Variants in PKM observed in about 807,000 individuals in gnomAD.
PKM encodes the protein pyruvate kinase M1/2, also known as pyruvate kinase PKM.
A neutral mutation model predicts 49.8 loss-of-function variants in PKM; 18 were observed. The ratio of observed to expected loss-of-function variants is 0.36; its 90% CI spans 0.25 to 0.54. The LOEUF (loss-of-function observed/expected upper bound fraction) is 0.54, where lower values mean the gene tolerates loss of function less well. Ranked by LOEUF, PKM falls within the 20% of genes least tolerant of loss-of-function variation. PKM has a pLI of 0.89. For synonymous variants in PKM, 239 were observed against 261.8 expected, an observed-to-expected ratio of 0.91 and a Z score of 0.84; for missense variants, 508 against 713.8, an observed-to-expected ratio of 0.71 and a Z score of 3.28.
At chr15:72,205,108 GT>G (rs577172609) in intron 8 of PKM, among the ~76,000 whole-genome samples, 18 of 145,938 alleles carry the variant, frequency 1.2e-4, no homozygotes, top group South Asian at 2.2e-4. Flanking sequence ...CGATTTTTTT[GT>G]TTTTTTTTTT....
At position 72,200,130 on chromosome 15, in the gene PKM, T is replaced by C. The variant is rs538886937; in HGVS notation, c.1489+344A>G. Among the ~76,000 whole-genome samples the C allele has an allele frequency of 9.3e-5, 14 of 151,234 alleles. No individual in the cohort carries two copies. The South Asian group carries it at 2.1e-3, about 23-fold the overall frequency. ...AGCACAGGAGCTGTGGCCAATTTTA[T>C]TTAAAAAAAAAACAAAAAACAAAAA... On this transcript the variant is annotated intron_variant, in intron 10 of 10. Transcript: ENST00000335181. This position sits in a 1 kb window ranked among gnomAD's most constrained non-coding sequence, Gnocchi z 4.6.
Position 72,206,831 on chromosome 15 carries a change from C to T in PKM, c.1037G>A (p.Ser346Asn), listed in dbSNP as rs780327255. ...KKPRPTRAEGSDVANAVLDGA... is the reference protein window; with the variant it reads ...KKPRPTRAEGNDVANAVLDGA... ...ATCCAGGACTGCATTGGCCACATCA[C>T]TGCCTTCAGCCCGAGTGGGGCGGGG... is the stretch of plus-strand genomic sequence containing the variant. The change falls in exon 8 of 11, where the codon AGT becomes AAT. Residue 346 changes from serine to asparagine, a missense_variant. Transcript: ENST00000335181. The T allele has an allele frequency of 5.0e-6, 8 of 1,614,114 alleles. No individual in the cohort carries two copies. The Admixed American group carries it at 1.3e-4, about 27-fold the overall frequency.
At chr15:72,203,267 G>T in intron 8 of PKM, 1 of 1,252,756 alleles carries the variant, frequency 8.0e-7, no homozygotes, top group Non-Finnish European at 1.2e-6. Flanking sequence ...TGGGAAGACA[G>T]AATGGGGAAT....
At chr15:72,207,519 A>G (rs536315926) in intron 6 of PKM, among the ~76,000 whole-genome samples, 1 of 152,338 alleles carries the variant, frequency 6.6e-6, no homozygotes, top group South Asian at 2.1e-4. Context: ...TTGACGGAAG[A>G]AAGGGGAGAG....
Position 72,200,410 on chromosome 15 carries a change from C to T in PKM, c.1489+64G>A. 1.3e-6 allele frequency: 2 copies of T among 1,529,396 alleles called. No individual in the cohort carries two copies. The highest frequency in any genetic ancestry group is 1.7e-5 in the Admixed American group (1 of 59,646). The allele number at this position is 1,529,396 out of a possible 1,614,324, so 94.7% of individuals were successfully genotyped here. A position where few individuals can be genotyped will look rare whatever the true frequency, so the allele number is the denominator to read the frequency against. On this transcript the variant is annotated intron_variant, in intron 10 of 10. Coordinates refer to ENST00000335181, the MANE Select transcript of PKM (RefSeq NM_002654.6). This position sits in a 1 kb window ranked among gnomAD's most constrained non-coding sequence, Gnocchi z 4.6. ...TATTCCCCAAACTTTCGGGGTCCCACAGAAGCCAATGCTCAAGCATCCCCA... is the reference window on the plus strand; with the variant it reads ...TATTCCCCAAACTTTCGGGGTCCCATAGAAGCCAATGCTCAAGCATCCCCA...
At position 72,217,431 on chromosome 15, in the gene PKM, T is replaced by C; in HGVS notation, c.224A>G (p.Asn75Ser). 1 of 1,611,176 alleles carries C rather than the reference T, an allele frequency of 6.2e-7. No individual in the cohort carries two copies. The highest frequency in any genetic ancestry group is 8.5e-7 in the Non-Finnish European group (1 of 1,177,414). Reference sequence around the variant, plus strand: ...CACCTCATGAGTTCCATGAGAGAAGTTCAGACGAGCCACATTCATTCCAGA... The same window carrying C: ...CACCTCATGAGTTCCATGAGAGAAGCTCAGACGAGCCACATTCATTCCAGA... ...IKSGMNVARL[N>S]FSHGTHEYHA... The change falls in exon 3 of 11, where the codon AAC becomes AGC. Residue 75 changes from asparagine (N) to serine (S), a missense_variant. Coordinates refer to ENST00000335181, the MANE Select transcript of PKM (RefSeq NM_002654.6).
At chr15:72,210,065 G>C (rs1016609996) in intron 4 of PKM, 22 of 632,658 alleles carry the variant, frequency 3.5e-5, no homozygotes, top group South Asian at 5.6e-5. Flanking sequence ...GCTACTTAAT[G>C]ATGGGGAAAA....
chr15:72,228,468 T>G, intron 1 of PKM: 1 of 380,764 alleles, frequency 2.6e-6, no homozygotes, highest in Non-Finnish European at 5.2e-6. Context: ...AGCTCCGTAG[T>G]TGAGGCATTT....
At chr15:72,221,449 C>T (rs1452486437) in intron 1 of PKM, among the ~76,000 whole-genome samples, 1 of 152,046 alleles carries the variant, frequency 6.6e-6, no homozygotes, top group African/African-American at 2.4e-5. Flanking sequence ...TATACAAGAA[C>T]CTGGTCCCTC....
At position 72,202,333 on chromosome 15, in the gene PKM, G is replaced by C. The variant is rs2081965066; in HGVS notation, c.1307+121C>G. On this transcript the variant is annotated intron_variant, in intron 9 of 10. Coordinates refer to ENST00000335181, the MANE Select transcript of PKM (RefSeq NM_002654.6). The surrounding 1 kb of genome is among the most constrained non-coding windows in gnomAD (Gnocchi z 4.5). ...CCTTCCCTGCAGGCCCAAGGTGGCA[G>C]GCAGAGGGGTCTTACCTTGGCTCAG... 9.9e-7 allele frequency: 1 copy of C among 1,013,080 alleles called. No homozygotes were observed. Among genetic ancestry groups the C allele is most frequent in the East Asian group, 2.6e-5 (1 of 38,474 alleles). The allele number at this position is 1,013,080 out of a possible 1,614,324, so 62.8% of individuals were successfully genotyped here.
chr15:72,226,399 G>A (rs990727218), intron 1 of PKM, among the ~76,000 whole-genome samples: 3 of 152,208 alleles, frequency 2.0e-5, no homozygotes, highest in East Asian at 1.9e-4. Context: ...GCGTGGTTGC[G>A]GTTGCCTGTA....
chr15:72,226,557 T>A (rs564093128), intron 1 of PKM, among the ~76,000 whole-genome samples: 11 of 152,136 alleles, frequency 7.2e-5, no homozygotes, highest in South Asian at 2.1e-4. Flanking sequence ...TAAAATAAAA[T>A]AAAAAATGAA....
intron 8 of PKM, among the ~76,000 whole-genome samples, chr15:72,205,269 T>C (rs2082043632): frequency 6.6e-6 from 1 of 152,134 alleles, no homozygotes; most frequent in Non-Finnish European, 1.5e-5. Flanking sequence ...ACTACAGAAG[T>C]GCATCACCAT....
rs951920604 is a variant in PKM at position 72,200,018 on chromosome 15, G to A, written c.1490-262C>T. 1.4e-4 allele frequency among the ~76,000 whole-genome samples: 21 copies of A among 152,188 alleles called. No homozygotes were observed. The highest frequency in any genetic ancestry group is 4.8e-4 in the African/African-American group (20 of 41,438). On this transcript the variant is annotated intron_variant, in intron 10 of 10. Transcript: ENST00000335181. The surrounding 1 kb of genome is among the most constrained non-coding windows in gnomAD (Gnocchi z 4.6). Reference sequence around the variant, plus strand: ...GTGCAAAGCCTTGCCCAGGGTCAGAGCTAGCTGCTTCCTGTCATCTGATGA... The same window carrying A: ...GTGCAAAGCCTTGCCCAGGGTCAGAACTAGCTGCTTCCTGTCATCTGATGA...
intron 5 of PKM, 78 bp downstream of exon 5, chr15:72,209,595 T>C: frequency 7.7e-7 from 1 of 1,306,234 alleles, no homozygotes; most frequent in South Asian, 1.2e-5. Flanking sequence ...GCAACCAACC[T>C]TCCCATCTTC....
intron 1 of PKM, among the ~76,000 whole-genome samples, chr15:72,229,894 A>C (rs1014806782): frequency 1.3e-5 from 2 of 151,664 alleles, no homozygotes; most frequent in African/African-American, 4.9e-5. Context: ...CATTTGTTAA[A>C]AAATGTGCCG....
intron 1 of PKM, among the ~76,000 whole-genome samples, chr15:72,221,014 G>C (rs2082507238): frequency 6.6e-6 from 1 of 152,226 alleles, no homozygotes. Flanking sequence ...CTACAATCTA[G>C]GGACTGTATT....
rs146939570 is a variant in PKM at position 72,220,735 on chromosome 15, G to T, written c.-13-1625C>A. ...GGAAGCATTCCAGTGTTTGTTAAATGACCTTTCAGTCTCTCTGAATGCCTC... is the reference window on the plus strand; with the variant it reads ...GGAAGCATTCCAGTGTTTGTTAAATTACCTTTCAGTCTCTCTGAATGCCTC... On this transcript the variant is annotated intron_variant, in intron 1 of 10. Transcript: ENST00000335181. Among the ~76,000 whole-genome samples, 534 of 152,310 alleles carry T rather than the reference G, an allele frequency of 3.5e-3. 3 individuals carry two copies. The highest frequency in any genetic ancestry group is 0.012 in the African/African-American group (518 of 41,560).
intron 4 of PKM, 124 bp from the exon 5 acceptor site, chr15:72,209,983 GT>G: frequency 1.2e-6 from 1 of 844,878 alleles, no homozygotes; most frequent in Non-Finnish European, 2.0e-6. Context: ...AAGTAATACA[GT>G]TTTTTGCTCT....
Sources: gnomAD v4.1 joint callset for allele counts (sites outside exome capture counted in the v4.1 genomes callset) on GRCh38, gnomAD v4.1.1 for gene constraint, Gnocchi (gnomAD v3.1) non-coding constraint, MANE v1.5 for transcripts, NCBI Gene and HGNC (gene_info 2026-07-23, HGNC 2026-07-21) for gene names.